The following TMEM132C variants were observed in gnomAD, a reference collection of about 807,000 sequenced individuals.
TMEM132C encodes the protein transmembrane protein 132C.
Under a neutral mutation model 61.4 loss-of-function variants are expected in TMEM132C, and 29 were observed. The ratio of observed to expected loss-of-function variants is 0.47; its 90% confidence interval spans 0.35 to 0.64. The LOEUF (loss-of-function observed/expected upper bound fraction) is 0.64, where lower values mean the gene tolerates loss of function less well. Among genes scored for constraint, TMEM132C ranks in the 30% least tolerant of loss-of-function variants. The pLI is 0.00. For missense variants in TMEM132C, 1,408 were observed against 1,476.9 expected, an observed-to-expected ratio of 0.95 and a Z score of 0.76; for synonymous variants, 656 against 633.1, an observed-to-expected ratio of 1.04 and a Z score of -0.54.
chr12:128,512,554 T>C (rs904933980), intron 2 of TMEM132C, among the ~76,000 whole-genome samples: 4 of 152,216 alleles, frequency 2.6e-5, no homozygotes, highest in African/African-American at 7.2e-5. Context: ...AAAAGAATGC[T>C]TCCAAAACAT....
At chr12:128,402,635 C>G (rs538820094) in intron 1 of TMEM132C, among the ~76,000 whole-genome samples, 15,761 of 152,200 alleles carry the variant, frequency 0.1, 1,000 homozygotes, top group East Asian at 0.16. Flanking sequence ...AGACGGACCT[C>G]GGTTCCAAGC....
In TMEM132C at chr12:128,344,262, A is replaced by G. The variant is rs11059656; in HGVS notation, c.86-70470A>G. On this transcript the variant is annotated intron_variant, in intron 1 of 8. Transcript: ENST00000435159. ...AAGCTCCGCCTCCCGGGTTCACGCC[A>G]TTCTCCTGCCTCAGCCTCCAGAGTA... is the stretch of plus-strand genomic sequence containing the variant. Among the ~76,000 whole-genome samples the G allele has an allele frequency of 6.2e-3, 947 of 152,250 alleles. 5 individuals carry two copies. The highest frequency in any genetic ancestry group is 0.022 in the African/African-American group (898 of 41,546).
intron 1 of TMEM132C, among the ~76,000 whole-genome samples, chr12:128,347,637 A>G (rs1348220336): frequency 6.6e-6 from 1 of 152,220 alleles, no homozygotes; most frequent in African/African-American, 2.4e-5. Context: ...CATGTTGGTC[A>G]GGCTGGTCTT....
intron 2 of TMEM132C, among the ~76,000 whole-genome samples, chr12:128,465,355 C>A (rs994369082): frequency 4.6e-5 from 7 of 151,146 alleles, no homozygotes; most frequent in African/African-American, 1.7e-4. Context: ...CCTGCCACCA[C>A]GCCCAGCTAA....
chr12:128,378,109 G>GT (rs201174968), intron 1 of TMEM132C, among the ~76,000 whole-genome samples: 997 of 47,584 alleles, frequency 0.021, 25 homozygotes, highest in East Asian at 0.13. Context: ...AAATAGAGCA[G>GT]TTTTTTTTTG....
chr12:128,647,510 G>A (rs1023062053), intron 4 of TMEM132C, among the ~76,000 whole-genome samples: 1 of 151,602 alleles, frequency 6.6e-6, no homozygotes, highest in African/African-American at 2.4e-5. Context: ...CATCAATGTT[G>A]GATATGAGTG....
intron 2 of TMEM132C, among the ~76,000 whole-genome samples, chr12:128,488,577 C>T (rs536957022): frequency 2.4e-4 from 37 of 152,082 alleles, no homozygotes; most frequent in African/African-American, 7.2e-4. Context: ...AGGAGAATTG[C>T]TTGAACCTGG....
intron 3 of TMEM132C, among the ~76,000 whole-genome samples, chr12:128,556,664 G>A (rs1234265923): frequency 1.3e-5 from 2 of 152,162 alleles, no homozygotes; most frequent in African/African-American, 4.8e-5. Context: ...GTGATGCTAT[G>A]TAACTTTCAA....
chr12:128,599,551 C>A (rs1231278052), intron 3 of TMEM132C, among the ~76,000 whole-genome samples: 1 of 152,186 alleles, frequency 6.6e-6, no homozygotes, highest in Non-Finnish European at 1.5e-5. Flanking sequence ...CTTAAAAAAT[C>A]CTTTTTAACT....
At chr12:128,566,565 T>C (rs183869001) in intron 3 of TMEM132C, among the ~76,000 whole-genome samples, 3 of 152,342 alleles carry the variant, frequency 2.0e-5, no homozygotes, top group Admixed American at 1.3e-4. Context: ...TGTTTGTTTC[T>C]AGAGCATATC....
intron 5 of TMEM132C, among the ~76,000 whole-genome samples, chr12:128,677,335 T>C (rs1954598551): frequency 6.6e-6 from 1 of 152,058 alleles, no homozygotes; most frequent in Non-Finnish European, 1.5e-5. Flanking sequence ...ACACAGCAAT[T>C]AAATAGAACA....
At chr12:128,334,099 TCCA>T (rs1016235800) in intron 1 of TMEM132C, among the ~76,000 whole-genome samples, 5 of 152,138 alleles carry the variant, frequency 3.3e-5, no homozygotes, top group African/African-American at 1.2e-4. Flanking sequence ...CAGGAATCTC[TCCA>T]CCTCACCCCA....
chr12:128,318,827 A>T (rs1193365), intron 1 of TMEM132C, among the ~76,000 whole-genome samples: 8,590 of 152,230 alleles, frequency 0.056, 697 homozygotes, highest in African/African-American at 0.18. Context: ...CTTTCATGAC[A>T]GTTAGGAAAG....
chr12:128,507,789 G>C (rs992747413), intron 2 of TMEM132C, among the ~76,000 whole-genome samples: 1 of 152,152 alleles, frequency 6.6e-6, no homozygotes, highest in African/African-American at 2.4e-5. Flanking sequence ...CTCCTCCAAG[G>C]CTCCGCAGAC....
intron 3 of TMEM132C, among the ~76,000 whole-genome samples, chr12:128,612,209 G>C (rs1049511154): frequency 6.6e-6 from 1 of 152,032 alleles, no homozygotes. Flanking sequence ...ACATTCCCAG[G>C]GTCCAGGTGG....
At chr12:128,587,165 C>T (rs1875578630) in intron 3 of TMEM132C, among the ~76,000 whole-genome samples, 1 of 152,192 alleles carries the variant, frequency 6.6e-6, no homozygotes, top group Admixed American at 6.5e-5. Context: ...GGCCTTATTG[C>T]CCAAAGTATT....
intron 4 of TMEM132C, among the ~76,000 whole-genome samples, chr12:128,645,447 G>A (rs186893306): frequency 2.0e-5 from 3 of 152,116 alleles, no homozygotes; most frequent in South Asian, 2.1e-4. Context: ...ATTCTGTGGG[G>A]CACCCGAGAT....
chr12:128,538,218 T>C (rs1345116801), intron 2 of TMEM132C, among the ~76,000 whole-genome samples: 1 of 152,198 alleles, frequency 6.6e-6, no homozygotes, highest in Non-Finnish European at 1.5e-5. Context: ...CCTCCTGGGT[T>C]CAAGTGATTC....
intron 2 of TMEM132C, among the ~76,000 whole-genome samples, chr12:128,422,002 C>T (rs1421594230): frequency 6.6e-6 from 1 of 152,198 alleles, no homozygotes; most frequent in African/African-American, 2.4e-5. Context: ...ATTTCATAAA[C>T]ATTCCTTTTC....
Sources: gnomAD v4.1 joint callset for allele counts (sites outside exome capture counted in the v4.1 genomes callset) on GRCh38, gnomAD v4.1.1 for gene constraint, MANE v1.5 for transcripts, NCBI Gene and HGNC (gene_info 2026-07-23, HGNC 2026-07-21) for gene names.